The following PEAK1 variants were observed in gnomAD, a reference collection of about 807,000 sequenced individuals.
PEAK1 encodes pseudopodium enriched atypical kinase 1.
In PEAK1, 54 loss-of-function variants were observed where a neutral mutation model predicts 124.7. The observed-to-expected ratio is 0.43, with a 90% confidence interval of 0.35 to 0.54. The LOEUF (loss-of-function observed/expected upper bound fraction) is 0.54. Ranked by LOEUF, PEAK1 falls within the 20% of genes least tolerant of loss-of-function variation. The pLI is 0.01. For synonymous variants in PEAK1, 719 were observed against 760.0 expected (o/e 0.95, Z 0.89); for missense variants, 2,046 against 2,134.5 (o/e 0.96, Z 0.82).
intron 2 of PEAK1, among the ~76,000 whole-genome samples, chr15:77,332,606 T>A (rs6416509): frequency 0.98 from 149,116 of 151,724 alleles, 73,313 homozygotes; most frequent in East Asian, 1. Context: ...TCTCAAAAAA[T>A]AAATAAATAA....
At chr15:77,142,057 C>T (rs1379608565) in intron 8 of PEAK1, among the ~76,000 whole-genome samples, 1 of 152,090 alleles carries the variant, frequency 6.6e-6, no homozygotes, top group Non-Finnish European at 1.5e-5. Context: ...AGACAACTCA[C>T]AGAATGGGAG....
chr15:77,104,902 C>A (rs2050731415), downstream of PEAK1: 4 of 152,166 alleles, frequency 2.6e-5, no homozygotes, highest in South Asian at 8.3e-4. Context: ...GGGAAAGCAC[C>A]CCCAGGGCTG....
chr15:77,174,590 C>T (rs1338440514), intron 7 of PEAK1, among the ~76,000 whole-genome samples: 1 of 152,130 alleles, frequency 6.6e-6, no homozygotes, highest in African/African-American at 2.4e-5. Context: ...TTAAAAAAAG[C>T]TACTGAATAC....
At chr15:77,217,250 G>T (rs1451125162) in intron 6 of PEAK1, among the ~76,000 whole-genome samples, 1 of 149,344 alleles carries the variant, frequency 6.7e-6, no homozygotes, top group Non-Finnish European at 1.5e-5. Context: ...AAAAAAAAGG[G>T]CAGGTTGTGG....
Position 77,133,437 on chromosome 15 carries a change from A to C in PEAK1, c.3645T>G (p.Tyr1215Ter). Residue 1215 changes from tyrosine (Y) to a stop codon, truncating the protein, a stop_gained, in exon 9 of 10, where the codon TAT becomes TAG. Coordinates refer to ENST00000682557, the MANE Select transcript of PEAK1 (RefSeq NM_001385026.1). LOFTEE classifies it high-confidence loss of function. This position sits in a 1 kb window ranked among gnomAD's most constrained non-coding sequence, Gnocchi z 4.2. ...YELKGLDIES[Y>*]DSLERPLRKE... ...TGCGCAAAGGCCTTTCCAAGGAGTC[A>C]TAAGACTCAATGTCCAGTCCTTTGA... 6.2e-7 allele frequency: 1 copy of C among 1,614,240 alleles called. No homozygotes were observed. Among genetic ancestry groups the C allele is most frequent in the Non-Finnish European group, 8.5e-7 (1 of 1,180,044 alleles).
chr15:77,351,818 G>A (rs16968796), intron 2 of PEAK1: 4 of 985,300 alleles, frequency 4.1e-6, no homozygotes, highest in Non-Finnish European at 4.8e-6. Flanking sequence ...TTGAACACGG[G>A]TGTGGTAACA....
chr15:77,277,268 T>C (rs1597068409), intron 5 of PEAK1, among the ~76,000 whole-genome samples: 2 of 152,046 alleles, frequency 1.3e-5, no homozygotes, highest in East Asian at 1.9e-4. Flanking sequence ...ATTCTCAAAA[T>C]GACAAAATTA....
At chr15:77,326,027 A>G (rs1489312506) in intron 2 of PEAK1, among the ~76,000 whole-genome samples, 3 of 152,176 alleles carry the variant, frequency 2.0e-5, no homozygotes, top group Non-Finnish European at 4.4e-5. Context: ...ATCCAGCACC[A>G]TATAGTTTGA....
chr15:77,201,497 CAAAGTACTGGGATT>C (rs958780298), intron 6 of PEAK1, among the ~76,000 whole-genome samples: 1 of 152,050 alleles, frequency 6.6e-6, no homozygotes, highest in African/African-American at 2.4e-5. Context: ...CTCGGCCTCC[CAAAGTACTGGGATT>C]ACAGGCATGA....
At chr15:77,119,450 T>G (rs1026445146) in intron 9 of PEAK1, among the ~76,000 whole-genome samples, 1 of 152,236 alleles carries the variant, frequency 6.6e-6, no homozygotes, top group African/African-American at 2.4e-5. Flanking sequence ...AAGTATCTCA[T>G]GGCTCCTGAG....
intron 2 of PEAK1, among the ~76,000 whole-genome samples, chr15:77,310,400 T>C (rs1253115421): frequency 6.6e-6 from 1 of 152,190 alleles, no homozygotes; most frequent in Non-Finnish European, 1.5e-5. Flanking sequence ...CTGCTTTCTC[T>C]GCAGGTTTCA....
intron 7 of PEAK1, among the ~76,000 whole-genome samples, chr15:77,170,840 T>C (rs901450794): frequency 6.6e-6 from 1 of 152,182 alleles, no homozygotes; most frequent in African/African-American, 2.4e-5. Flanking sequence ...GCTGGCATTC[T>C]TCCCACTGTG....
intron 1 of PEAK1, among the ~76,000 whole-genome samples, chr15:77,376,829 T>C (rs940988549): frequency 6.6e-6 from 1 of 152,206 alleles, no homozygotes; most frequent in African/African-American, 2.4e-5. Context: ...TTTTCTACTT[T>C]TTTATTTGAA....
chr15:77,306,497 TAGTTCCAG>T (rs2064111877), intron 2 of PEAK1, among the ~76,000 whole-genome samples: 2 of 152,340 alleles, frequency 1.3e-5, no homozygotes, highest in South Asian at 4.1e-4. Context: ...AGTGTATTTC[TAGTTCCAG>T]AGAAAGAATA....
At chr15:77,417,885 T>G in intron 1 of PEAK1, 1 of 984,972 alleles carries the variant, frequency 1.0e-6, no homozygotes, top group Non-Finnish European at 1.2e-6. Context: ...CTGCTAGATG[T>G]TGAAAAACAT....
intron 6 of PEAK1, among the ~76,000 whole-genome samples, chr15:77,204,236 T>C (rs1030521227): frequency 3.3e-5 from 5 of 152,068 alleles, no homozygotes; most frequent in Admixed American, 2.0e-4. Flanking sequence ...AAATCTACAA[T>C]AGTGACAAAA....
At chr15:77,375,684 C>T (rs568167212) in intron 1 of PEAK1, among the ~76,000 whole-genome samples, 2 of 152,100 alleles carry the variant, frequency 1.3e-5, no homozygotes, top group African/African-American at 2.4e-5. Context: ...CAATCAGGAC[C>T]GATATAAGTC....
intron 2 of PEAK1, among the ~76,000 whole-genome samples, chr15:77,294,864 A>T (rs1167248991): frequency 1.3e-5 from 2 of 152,188 alleles, no homozygotes; most frequent in East Asian, 3.8e-4. Flanking sequence ...TAAGGAAAAA[A>T]TGCTTTATAA....
intron 8 of PEAK1, among the ~76,000 whole-genome samples, chr15:77,141,399 T>G (rs143513663): frequency 2.6e-5 from 4 of 152,240 alleles, no homozygotes; most frequent in African/African-American, 4.8e-5. Context: ...AAAAAGCAAA[T>G]GGAAAGATAT....
Sources: gnomAD v4.1 joint callset for allele counts (sites outside exome capture counted in the v4.1 genomes callset) on GRCh38, gnomAD v4.1.1 for gene constraint, Gnocchi (gnomAD v3.1) non-coding constraint, MANE v1.5 for transcripts, NCBI Gene and HGNC (gene_info 2026-07-23, HGNC 2026-07-21) for gene names.